The following ADAM32 variants were observed in gnomAD, a reference collection of about 807,000 sequenced individuals.
The protein encoded by ADAM32 is ADAM metallopeptidase domain 32.
In ADAM32, 89 loss-of-function variants were observed where a neutral mutation model predicts 114.9. That is an observed-to-expected ratio of 0.77 (90% CI 0.65 to 0.92). The LOEUF (loss-of-function observed/expected upper bound fraction) is 0.92, where lower values mean the gene tolerates loss of function less well. ADAM32 is among the 40% of genes least tolerant of loss of function. ADAM32 has a pLI of 0.00. For synonymous variants in ADAM32, 285 were observed against 307.5 expected, an observed-to-expected ratio of 0.93 and a Z score of 0.77; for missense variants, 870 against 932.8, an observed-to-expected ratio of 0.93 and a Z score of 0.88.
intron 11 of ADAM32, among the ~76,000 whole-genome samples, chr8:39,193,023 T>A (rs1806707037): frequency 1.3e-5 from 2 of 152,204 alleles, no homozygotes. Flanking sequence ...AAGCATATTG[T>A]GGAGGTTCTC....
At chr8:39,146,130 C>A (rs1263465801) in intron 3 of ADAM32, among the ~76,000 whole-genome samples, 2 of 152,112 alleles carry the variant, frequency 1.3e-5, no homozygotes, top group African/African-American at 4.8e-5. Context: ...TGGAGGCTTT[C>A]CAACAGAAGC....
At chr8:39,258,612 T>C (rs1318773581) in intron 19 of ADAM32, among the ~76,000 whole-genome samples, 2 of 152,186 alleles carry the variant, frequency 1.3e-5, no homozygotes. Context: ...CTCTTAAATG[T>C]TGGAACAAAA....
At chr8:39,109,359 A>G (rs1336966309) in intron 1 of ADAM32, among the ~76,000 whole-genome samples, 2 of 152,100 alleles carry the variant, frequency 1.3e-5, no homozygotes, top group Admixed American at 1.3e-4. Flanking sequence ...CAGCCTGGCC[A>G]ACATGGTGAA....
chr8:39,280,666 A>G (rs1424643051), intron 22 of ADAM32, among the ~76,000 whole-genome samples: 1 of 152,190 alleles, frequency 6.6e-6, no homozygotes, highest in Non-Finnish European at 1.5e-5. Flanking sequence ...CATGCCCCAC[A>G]TATTTAAATA....
intron 21 of ADAM32, 120 bp downstream of exon 21, chr8:39,274,470 T>C: frequency 9.3e-7 from 1 of 1,076,450 alleles, no homozygotes; most frequent in South Asian, 1.4e-5. Context: ...TGCACTAAAA[T>C]CCAGACTGCT....
In ADAM32 at chr8:39,232,098, A is replaced by G. The variant is rs1361378320; in HGVS notation, c.1597A>G (p.Arg533Gly). The change falls in exon 15 of 25, where the codon AGG (arginine) becomes GGG (glycine). Residue 533 changes from arginine to glycine, a missense_variant. By Grantham distance (125) the Arg-to-Gly change is moderately radical. Coordinates refer to ENST00000379907, the MANE Select transcript of ADAM32 (RefSeq NM_145004.7). ...ATCAGACAGATTTGGGAACTGTGGTAGGGATAGAAATAACAAATATGTGTT... is the reference window on the plus strand; with the variant it reads ...ATCAGACAGATTTGGGAACTGTGGTGGGGATAGAAATAACAAATATGTGTT... ...SQSDRFGNCG[R>G]DRNNKYVFCG... 5.6e-6 allele frequency: 9 copies of G among 1,610,998 alleles called. No individual in the cohort carries two copies. Among genetic ancestry groups the G allele is most frequent in the Non-Finnish European group, 7.6e-6 (9 of 1,177,648 alleles).
At chr8:39,236,556 G>A (rs999588819) in intron 16 of ADAM32, among the ~76,000 whole-genome samples, 6 of 152,046 alleles carry the variant, frequency 3.9e-5, no homozygotes, top group African/African-American at 1.4e-4. Context: ...ATACAAAAAA[G>A]TATTCATATA....
intron 20 of ADAM32, among the ~76,000 whole-genome samples, chr8:39,271,166 T>C (rs1311684225): frequency 6.6e-6 from 1 of 152,170 alleles, no homozygotes; most frequent in Non-Finnish European, 1.5e-5. Flanking sequence ...ATAGGACATG[T>C]ATAATTAGTA....
chr8:39,246,682 T>C (rs879659809), intron 17 of ADAM32, among the ~76,000 whole-genome samples: 3 of 152,226 alleles, frequency 2.0e-5, no homozygotes, highest in Non-Finnish European at 2.9e-5. Context: ...TTTGTTATAA[T>C]TGATGACCTA....
At chr8:39,165,384 A>G (rs561052853) in intron 9 of ADAM32, 188 bp downstream of exon 9, 4 of 480,882 alleles carry the variant, frequency 8.3e-6, no homozygotes, top group South Asian at 8.8e-5. Flanking sequence ...ATTTATTTCT[A>G]TGCTAATAAA....
At chr8:39,170,253 T>C (rs1805109551) in intron 10 of ADAM32, among the ~76,000 whole-genome samples, 2 of 152,094 alleles carry the variant, frequency 1.3e-5, no homozygotes. Flanking sequence ...GAATAATGCA[T>C]TGTGAAAAAT....
intron 16 of ADAM32, among the ~76,000 whole-genome samples, 192 bp from the exon 17 acceptor site, chr8:39,245,891 C>T (rs921424430): frequency 2.6e-5 from 4 of 152,012 alleles, no homozygotes; most frequent in African/African-American, 9.7e-5. Flanking sequence ...ATTTAAAATG[C>T]AAATAAATCA....
chr8:39,181,692 T>C (rs1290328249), intron 10 of ADAM32, among the ~76,000 whole-genome samples: 1 of 152,188 alleles, frequency 6.6e-6, no homozygotes, highest in Non-Finnish European at 1.5e-5. Context: ...GAATTTGAAC[T>C]GATGAGTGAA....
Position 39,232,034 on chromosome 8 carries a change from A to T in ADAM32, c.1533A>T (p.Arg511Ser). Residue 511 changes from arginine to serine, a missense_variant, in exon 15 of 25, where the codon AGA becomes AGT. Transcript: ENST00000379907. ...RCESVFGKGSRNAPFACYEEI... is the reference protein window; with the variant it reads ...RCESVFGKGSSNAPFACYEEI... ...TATTTCTAACTTTAACAGGTTCAAG[A>T]AATGCTCCATTTGCCTGCTATGAAG... is the stretch of plus-strand genomic sequence containing the variant. The T allele has an allele frequency of 6.2e-7, 1 of 1,609,942 alleles. No homozygotes were observed. The highest frequency in any genetic ancestry group is 8.5e-7 in the Non-Finnish European group (1 of 1,177,764).
chr8:39,211,915 G>T (rs1178742183), intron 12 of ADAM32, among the ~76,000 whole-genome samples: 1 of 152,274 alleles, frequency 6.6e-6, no homozygotes, highest in Middle Eastern at 3.4e-3. Context: ...CCATAGGTCT[G>T]AATTACTTGA....
chr8:39,231,393 A>G (rs1809725009), intron 14 of ADAM32, among the ~76,000 whole-genome samples: 1 of 152,162 alleles, frequency 6.6e-6, no homozygotes, highest in African/African-American at 2.4e-5. Context: ...ACCTCAGATG[A>G]CACTGCAGCC....
At chr8:39,233,869 A>C in intron 15 of ADAM32, 30 bp from the exon 16 acceptor site, 2 of 1,323,008 alleles carry the variant, frequency 1.5e-6, no homozygotes, top group Non-Finnish European at 2.0e-6. Context: ...CCTAATGTAT[A>C]ATAATCATAT....
intron 2 of ADAM32, chr8:39,130,765 C>T (rs1162125836): frequency 2.6e-6 from 1 of 381,706 alleles, no homozygotes; most frequent in African/African-American, 2.2e-5. Flanking sequence ...ACTTTTGTGA[C>T]TTCAGTTTTA....
At chr8:39,223,269 C>CAATG (rs1429687533) in intron 14 of ADAM32, 31 bp downstream of exon 14, 1 of 1,427,482 alleles carries the variant, frequency 7.0e-7, no homozygotes, top group East Asian at 2.6e-5. Flanking sequence ...CTCAATAGCC[C>CAATG]TTAACATTGT....
Sources: allele counts gnomAD v4.1 joint callset (sites outside exome capture counted in the v4.1 genomes callset), GRCh38; gene constraint gnomAD v4.1.1; transcripts MANE v1.5; gene names NCBI Gene and HGNC (gene_info 2026-07-23, HGNC 2026-07-21).